Variants in CTDP1 observed in about 807,000 individuals in gnomAD.
CTDP1 encodes RNA polymerase II subunit A C-terminal domain phosphatase.
CTDP1 carries 47 observed loss-of-function variants against 91.8 expected under a neutral mutation model. The ratio of observed to expected loss-of-function variants is 0.51; its 90% confidence interval spans 0.41 to 0.65. The LOEUF (loss-of-function observed/expected upper bound fraction) is 0.65, where lower values mean the gene tolerates loss of function less well. Ranked by LOEUF, CTDP1 falls within the 30% of genes least tolerant of loss-of-function variation. CTDP1 has a pLI of 0.00. For missense variants in CTDP1, 1,272 were observed against 1,373.7 expected (o/e 0.93, Z 1.17); for synonymous variants, 656 against 598.5 (o/e 1.10, Z -1.40).
At chr18:79,730,054 A>G (rs922427634) in intron 11 of CTDP1, among the ~76,000 whole-genome samples, 3 of 152,224 alleles carry the variant, frequency 2.0e-5, no homozygotes, top group African/African-American at 4.8e-5. Flanking sequence ...AGATAGTTCT[A>G]TTCAGGACAG....
intron 1 of CTDP1, 48 bp downstream of exon 1, chr18:79,680,309 G>A: frequency 8.1e-7 from 1 of 1,234,024 alleles, no homozygotes; most frequent in Non-Finnish European, 1.0e-6. Context: ...GCTCCGGGGA[G>A]GGATCCTGGA....
intron 4 of CTDP1, among the ~76,000 whole-genome samples, chr18:79,701,082 A>G (rs773367831): frequency 1.3e-5 from 2 of 152,164 alleles, no homozygotes; most frequent in Non-Finnish European, 2.9e-5. Flanking sequence ...CTCATTGACC[A>G]TGCACCTGGT....
Position 79,687,889 on chromosome 18 carries a change from A to C in CTDP1, c.315-7336A>C, listed in dbSNP as rs180682525. 3.2e-4 allele frequency among the ~76,000 whole-genome samples: 48 copies of C among 152,312 alleles called. 1 individual carries two copies. Among genetic ancestry groups the C allele is most frequent in the African/African-American group, 1.1e-3 (47 of 41,576 alleles). ...CAGTAGGGTCTGAATGGTGTGGTGC[A>C]CGTGGTGCCACGTGGTTTTGAGACG... On this transcript the variant is annotated intron_variant, in intron 1 of 12. Coordinates refer to ENST00000613122, the MANE Select transcript of CTDP1 (RefSeq NM_004715.5).
chr18:79,729,091 G>C (rs1323484129), intron 11 of CTDP1, 22 bp downstream of exon 11: 2 of 1,611,932 alleles, frequency 1.2e-6, no homozygotes, highest in African/African-American at 1.3e-5. Flanking sequence ...CCACGCCCCG[G>C]TGCCCGCGCC....
In CTDP1 at chr18:79,754,438, T is replaced by C. The variant is rs2087065110; in HGVS notation, c.*648T>C. The C allele has an allele frequency of 6.5e-6, 1 of 153,264 alleles. No homozygotes were observed. The highest frequency in any genetic ancestry group is 1.5e-5 in the Non-Finnish European group (1 of 68,524). The allele number at this position is 153,264 out of a possible 1,614,324, so 9.5% of individuals were successfully genotyped here. A position where few individuals can be genotyped will look rare whatever the true frequency, so the allele number is the denominator to read the frequency against. ...TCTTGGAGACACCTGATGTAAAGTT[T>C]CTGTAAATCTATTTCATATCTGACC... On this transcript the variant is annotated 3_prime_UTR_variant, in exon 13 of 13. Coordinates refer to ENST00000613122, the MANE Select transcript of CTDP1 (RefSeq NM_004715.5).
intron 12 of CTDP1, among the ~76,000 whole-genome samples, chr18:79,747,407 G>A (rs2122874433): frequency 6.6e-6 from 1 of 152,362 alleles, no homozygotes; most frequent in South Asian, 2.1e-4. Context: ...CTCAGGTGCA[G>A]ACGCCACGGA....
chr18:79,726,702 G>A (rs1209697841), intron 10 of CTDP1, among the ~76,000 whole-genome samples: 1 of 151,862 alleles, frequency 6.6e-6, no homozygotes, highest in Non-Finnish European at 1.5e-5. Context: ...TCTTTTTGAT[G>A]CCTGAGAGTG....
chr18:79,696,445 C>T (rs941297958), intron 3 of CTDP1, among the ~76,000 whole-genome samples: 6 of 151,708 alleles, frequency 4.0e-5, no homozygotes, highest in Admixed American at 3.9e-4. Context: ...GCCGCGCTGC[C>T]GAGGCATGTG....
intron 4 of CTDP1, among the ~76,000 whole-genome samples, chr18:79,704,130 C>A (rs1263045897): frequency 6.6e-6 from 1 of 152,202 alleles, no homozygotes; most frequent in Non-Finnish European, 1.5e-5. Context: ...GGCATTCCCG[C>A]AGCAGAGAAG....
At chr18:79,723,828 C>T (rs769159464) in intron 10 of CTDP1, among the ~76,000 whole-genome samples, 1 of 152,192 alleles carries the variant, frequency 6.6e-6, no homozygotes, top group African/African-American at 2.4e-5. Flanking sequence ...CTCCCTGCAC[C>T]GCGCCCTCTC....
At chr18:79,678,661 A>T (rs577984663), upstream of CTDP1, 1 of 152,322 alleles carries the variant, frequency 6.6e-6, no homozygotes, top group African/African-American at 2.4e-5. Context: ...AGGGGGGAAA[A>T]GCAAATACAG....
At chr18:79,731,219 G>A (rs139810535) in intron 11 of CTDP1, among the ~76,000 whole-genome samples, 3 of 152,194 alleles carry the variant, frequency 2.0e-5, no homozygotes, top group Non-Finnish European at 4.4e-5. Flanking sequence ...CTGGAACCAG[G>A]GTCAAGTGCA....
intron 4 of CTDP1, among the ~76,000 whole-genome samples, chr18:79,698,623 A>T (rs1369005782): frequency 6.6e-6 from 1 of 152,228 alleles, no homozygotes. Context: ...AGGCTTGCGC[A>T]GAGGCTTGTG....
intron 5 of CTDP1, among the ~76,000 whole-genome samples, chr18:79,707,548 T>C (rs1267656548): frequency 6.6e-6 from 1 of 152,230 alleles, no homozygotes; most frequent in African/African-American, 2.4e-5. Flanking sequence ...CTTTCTATGC[T>C]AAAGTTCCAG....
At chr18:79,702,490 C>T (rs111607374) in intron 4 of CTDP1, among the ~76,000 whole-genome samples, 24 of 152,336 alleles carry the variant, frequency 1.6e-4, no homozygotes, top group African/African-American at 5.5e-4. Flanking sequence ...TCTTGTGCCT[C>T]AGCCTCCCGA....
chr18:79,734,748 G>A (rs2086633129), intron 11 of CTDP1, among the ~76,000 whole-genome samples: 1 of 152,278 alleles, frequency 6.6e-6, no homozygotes, highest in South Asian at 2.1e-4. Context: ...ATAGAATTTA[G>A]TAGAATTATT....
At chr18:79,721,846 C>T (rs572119435) in intron 10 of CTDP1, among the ~76,000 whole-genome samples, 2 of 147,224 alleles carry the variant, frequency 1.4e-5, no homozygotes, top group South Asian at 4.3e-4. Context: ...TTTTTTGAGA[C>T]GGAATCTTGC....
intron 10 of CTDP1, among the ~76,000 whole-genome samples, chr18:79,726,833 GAT>G (rs1408379827): frequency 2.1e-5 from 2 of 96,960 alleles, no homozygotes; most frequent in Non-Finnish European, 4.8e-5. Context: ...GGCTGTGGGG[GAT>G]GGGGGTGACG....
intron 8 of CTDP1, among the ~76,000 whole-genome samples, chr18:79,715,791 G>T (rs1161235392): frequency 6.6e-6 from 1 of 152,230 alleles, no homozygotes; most frequent in Non-Finnish European, 1.5e-5. Context: ...CCTGGAGTAA[G>T]CCATGGCCGG....
Sources: allele counts gnomAD v4.1 joint callset (sites outside exome capture counted in the v4.1 genomes callset), GRCh38; gene constraint gnomAD v4.1.1; transcripts MANE v1.5; gene names NCBI Gene and HGNC (gene_info 2026-07-23, HGNC 2026-07-21).